Variants in KIAA2013 observed in about 807,000 individuals in gnomAD.
KIAA2013 encodes the protein KIAA2013, also known as uncharacterized protein KIAA2013.
A neutral mutation model predicts 39.9 loss-of-function variants in KIAA2013; 20 were observed. The ratio of observed to expected loss-of-function variants is 0.50; its 90% CI spans 0.35 to 0.73. The LOEUF (loss-of-function observed/expected upper bound fraction) is 0.73, where lower values mean the gene tolerates loss of function less well. Ranked by LOEUF, KIAA2013 falls within the 30% of genes least tolerant of loss-of-function variation. The pLI is 0.01. For missense variants in KIAA2013, 587 were observed against 856.1 expected (o/e 0.69, Z 3.92); for synonymous variants, 336 against 416.6 (o/e 0.81, Z 2.35).
Position 11,925,701 on chromosome 1 carries a change from C to A in KIAA2013, c.537G>T (p.Ala179=). The A allele has an allele frequency of 6.3e-7, 1 of 1,588,510 alleles. No individual in the cohort carries two copies. The change falls in exon 1 of 3, where the codon GCG becomes GCT. Residue 179 remains alanine (A), a synonymous_variant. Transcript: ENST00000376572. This position sits in a 1 kb window ranked among gnomAD's most constrained non-coding sequence, Gnocchi z 5.2. ...PGPASVSGLA[A]GSGRDCVLLQ... is the part of the protein sequence containing the mutation. ...GCAGCACGCAGTCGCGGCCGGACCC[C>A]GCGGCAAGGCCAGAGACGGAGGCGG...
Position 11,925,798 on chromosome 1 carries a change from C to T in KIAA2013, c.440G>A (p.Gly147Glu). The stretch of plus-strand genomic sequence containing the variant: ...CAGGCAACGCACGCGGCGCAGAAGC[C>T]CCTCCCGCAGCAGCAGCACCGCCTC... ...AGEAVLLLRE[G>E]LLRRVRCLQL... Residue 147 changes from glycine to glutamate, a missense_variant, in exon 1 of 3, where the codon GGG becomes GAG. Coordinates refer to ENST00000376572, the MANE Select transcript of KIAA2013 (RefSeq NM_138346.3). The surrounding 1 kb of genome is among the most constrained non-coding windows in gnomAD (Gnocchi z 5.2). 6.5e-7 allele frequency: 1 copy of T among 1,544,156 alleles called. No individual in the cohort carries two copies. Among genetic ancestry groups the T allele is most frequent in the East Asian group, 2.4e-5 (1 of 41,468 alleles).
Position 11,924,239 on chromosome 1 carries a change from G to A in KIAA2013, c.1034-750C>T, listed in dbSNP as rs963514677. Among the ~76,000 whole-genome samples, 5 of 150,068 alleles carry A rather than the reference G, an allele frequency of 3.3e-5. No individual in the cohort carries two copies. In the South Asian group the frequency reaches 6.3e-4, roughly 19 times the overall value. ...AGCACTTTGGGAGGCCAAGGTGGAC[G>A]GATCATGAGGTCAGGTTAAGTTTTG... On this transcript the variant is annotated intron_variant, in intron 1 of 2. Coordinates refer to ENST00000376572, the MANE Select transcript of KIAA2013 (RefSeq NM_138346.3).
intron 2 of KIAA2013, among the ~76,000 whole-genome samples, chr1:11,921,304 CA>C (rs1412701224): frequency 1.3e-5 from 2 of 152,162 alleles, no homozygotes; most frequent in Admixed American, 1.3e-4. Flanking sequence ...CAATGATGGC[CA>C]AAATCACCGC....
intron 1 of KIAA2013, among the ~76,000 whole-genome samples, chr1:11,924,387 G>A (rs1645493295): frequency 6.6e-6 from 1 of 151,712 alleles, no homozygotes. Context: ...ACCGCGCCCA[G>A]CCAGCACATT....
rs1645504739 is a variant in KIAA2013 at position 11,925,968 on chromosome 1, C to G, written c.270G>C (p.Pro90=). 2 of 1,541,586 alleles carry G rather than the reference C, an allele frequency of 1.3e-6. No individual in the cohort carries two copies. Among genetic ancestry groups the G allele is most frequent in the African/African-American group, 1.4e-5 (1 of 71,602 alleles). ...GEVVPLGPGV[P]ALVANGFLAL... ...CCAGGAAGCCGTTGGCCACCAGGGC[C>G]GGCACTCCAGGACCCAGCGGTACCA... The change falls in exon 1 of 3, where the codon CCG becomes CCC. Residue 90 remains proline (P), a synonymous_variant. Coordinates refer to ENST00000376572, the MANE Select transcript of KIAA2013 (RefSeq NM_138346.3). The surrounding 1 kb of genome is among the most constrained non-coding windows in gnomAD (Gnocchi z 5.2).
chr1:11,925,207 G>A lies in KIAA2013; in HGVS notation c.1031C>T (p.Pro344Leu), dbSNP rs752817662. The A allele has an allele frequency of 6.3e-7, 1 of 1,577,072 alleles. No individual in the cohort carries two copies. The highest frequency in any genetic ancestry group is 1.2e-5 in the South Asian group (1 of 84,692). Residue 344 changes from proline (P) to leucine (L), a missense_variant and splice_region_variant, in exon 1 of 3, where the codon CCA becomes CTA. Coordinates refer to ENST00000376572, the MANE Select transcript of KIAA2013 (RefSeq NM_138346.3). This position sits in a 1 kb window ranked among gnomAD's most constrained non-coding sequence, Gnocchi z 5.2. ...HQLLWAQLFS[P>L]GVEMKKITDT... ...ACCAAGCGCTGGCCAGGACTCACCT[G>A]GGCTGAAGAGCTGAGCCCAGAGGAG...
chr1:11,922,982 C>T lies in KIAA2013; in HGVS notation c.1541G>A (p.Arg514His), dbSNP rs753673165. 3.7e-6 allele frequency: 6 copies of T among 1,612,426 alleles called. No individual in the cohort carries two copies. The highest frequency in any genetic ancestry group is 4.2e-6 in the Non-Finnish European group (5 of 1,178,692). Residue 514 changes from arginine to histidine, a missense_variant, in exon 2 of 3, where the codon CGT (arginine) becomes CAT (histidine). By Grantham distance (29) the Arg-to-His change is conservative. Coordinates refer to ENST00000376572, the MANE Select transcript of KIAA2013 (RefSeq NM_138346.3). ...GGCATAGATCTTGACAGGCTGGCCA[C>T]GGGACTCCACGGACACGTGTAGGTA... ...KPYLHVSVES[R>H]GQPVKIYACK...
intron 2 of KIAA2013, among the ~76,000 whole-genome samples, chr1:11,921,350 G>A (rs1409697082): frequency 6.6e-6 from 1 of 151,992 alleles, no homozygotes; most frequent in Non-Finnish European, 1.5e-5. Context: ...AAACTTGAGG[G>A]CAATGCTTCT....
In KIAA2013 at chr1:11,926,058, G is replaced by C. The variant is rs1267488408; in HGVS notation, c.180C>G (p.Ala60=). ...CCGCCTCCAGGCAGGCAGACGGCTC[G>C]GCGGCGCCCGGCTCACCGCGGGACC... The part of the protein sequence containing the change: ...LPWSRGEPGA[A]EPSACLEAAT... The change falls in exon 1 of 3, where the codon GCC becomes GCG. Residue 60 remains alanine (A), a synonymous_variant. Transcript: ENST00000376572. The C allele has an allele frequency of 6.9e-7, 1 of 1,457,444 alleles. No individual in the cohort carries two copies. Among genetic ancestry groups the C allele is most frequent in the Non-Finnish European group, 9.0e-7 (1 of 1,114,756 alleles). 90.3% of individuals were successfully genotyped at this position (1,457,444 alleles called of 1,614,324 possible).
At position 11,925,562 on chromosome 1, in the gene KIAA2013, C is replaced by T; in HGVS notation, c.676G>A (p.Gly226Ser). 2 of 1,607,778 alleles carry T rather than the reference C, an allele frequency of 1.2e-6. No individual in the cohort carries two copies. The highest frequency in any genetic ancestry group is 8.5e-7 in the Non-Finnish European group (1 of 1,178,592). The change falls in exon 1 of 3, where the codon GGC becomes AGC. Residue 226 changes from glycine (G) to serine (S), a missense_variant. Coordinates refer to ENST00000376572, the MANE Select transcript of KIAA2013 (RefSeq NM_138346.3). This position sits in a 1 kb window ranked among gnomAD's most constrained non-coding sequence, Gnocchi z 5.2. ...CTGGTGAAGGCCTTGGGGGCTGGGC[C>T]GGCAGTGGGCCCCACAGTCTGCAGC... ...AALQTVGPTA[G>S]PAPKAFTSTL...
At chr1:11,921,187 T>C (rs535662943) in intron 2 of KIAA2013, among the ~76,000 whole-genome samples, 2 of 152,280 alleles carry the variant, frequency 1.3e-5, no homozygotes, top group African/African-American at 2.4e-5. Flanking sequence ...CCTGCTGGTC[T>C]TTCTCCTGAG....
At position 11,920,315 on chromosome 1, in the gene KIAA2013, T is replaced by C. The variant is rs1645467030; in HGVS notation, c.1905A>G (p.Ter635TrpextTer3). ...GCTGAAAGCAGGACTGTTAGTTCAC[T>C]CAGACACTGGGATCTTCCTGTTCAA... ...LFRSKEDPSV[*>W] Residue 635 changes from the stop codon to tryptophan (W), a stop_lost, in exon 3 of 3, where the codon TGA becomes TGG. Transcript: ENST00000376572. 2 of 1,614,042 alleles carry C rather than the reference T, an allele frequency of 1.2e-6. No homozygotes were observed. The highest frequency in any genetic ancestry group is 1.3e-5 in the African/African-American group (1 of 74,940).
chr1:11,920,448 C>T, intron 2 of KIAA2013, 116 bp from the exon 3 acceptor site: 3 of 1,065,700 alleles, frequency 2.8e-6, no homozygotes, highest in Non-Finnish European at 4.4e-6. Flanking sequence ...CTGACCCAGC[C>T]TTGCAGAATT....
rs1645499207 is a variant in KIAA2013 at position 11,925,354 on chromosome 1, A to T, written c.884T>A (p.Ile295Asn). ...VLWVVHVSGPINPQVLKSKAA... is the reference protein window; with the variant it reads ...VLWVVHVSGPNNPQVLKSKAA... ...TTTGCTTTTGAGCACCTGGGGGTTA[A>T]TGGGGCCAGAGACGTGCACCACCCA... Residue 295 changes from isoleucine to asparagine, a missense_variant, in exon 1 of 3, where the codon ATT (isoleucine) becomes AAT (asparagine). Transcript: ENST00000376572. This position sits in a 1 kb window ranked among gnomAD's most constrained non-coding sequence, Gnocchi z 5.2. 6.2e-7 allele frequency: 1 copy of T among 1,613,946 alleles called. No individual in the cohort carries two copies. The highest frequency in any genetic ancestry group is 1.1e-5 in the South Asian group (1 of 91,076).
At chr1:11,922,488 G>A (rs772963924) in intron 2 of KIAA2013, 148 bp downstream of exon 2, 32 of 1,515,628 alleles carry the variant, frequency 2.1e-5, no homozygotes, top group Middle Eastern at 3.5e-4. Flanking sequence ...AAACACTTGT[G>A]CGCGCTCTCT....
Position 11,924,399 on chromosome 1 carries a change from T to C in KIAA2013, c.1033+806A>G, listed in dbSNP as rs558365671. Among the ~76,000 whole-genome samples the C allele has an allele frequency of 2.0e-5, 3 of 152,002 alleles. No individual in the cohort carries two copies. In the South Asian group the frequency reaches 6.2e-4, roughly 32 times the overall value. ...GCCACCGCGCCCAGCCAGCACATTCTAGCCTAAAAAGATGCCTTATTTTAA... is the reference window on the plus strand; with the variant it reads ...GCCACCGCGCCCAGCCAGCACATTCCAGCCTAAAAAGATGCCTTATTTTAA... On this transcript the variant is annotated intron_variant, in intron 1 of 2. Transcript: ENST00000376572.
rs1645504972 is a variant in KIAA2013 at position 11,925,991 on chromosome 1, C to T, written c.247G>A (p.Val83Ile). Residue 83 changes from valine to isoleucine, a missense_variant, in exon 1 of 3, where the codon GTA (valine) becomes ATA (isoleucine). Transcript: ENST00000376572. The surrounding 1 kb of genome is among the most constrained non-coding windows in gnomAD (Gnocchi z 5.2). ...WRGLRERGEV[V>I]PLGPGVPALV... ...GCCGGCACTCCAGGACCCAGCGGTA[C>T]CACCTCACCGCGCTCCCGCAGGCCG... 1.3e-6 allele frequency: 2 copies of T among 1,524,044 alleles called. No individual in the cohort carries two copies. The highest frequency in any genetic ancestry group is 8.7e-7 in the Non-Finnish European group (1 of 1,143,226). The allele number at this position is 1,524,044 out of a possible 1,614,324, so 94.4% of individuals were successfully genotyped here.
In KIAA2013 at chr1:11,923,077, T is replaced by C. The variant is rs1455108575; in HGVS notation, c.1446A>G (p.Ala482=). The change falls in exon 2 of 3, where the codon GCA becomes GCG. Residue 482 remains alanine (A), a synonymous_variant. Coordinates refer to ENST00000376572, the MANE Select transcript of KIAA2013 (RefSeq NM_138346.3). The surrounding 1 kb of genome is among the most constrained non-coding windows in gnomAD (Gnocchi z 4.6). ...CGTTCTTGTAGCGGATGCCATGCAA[T>C]GCATAGCTGTTGTGCAGCACGTCGG... The part of the protein sequence containing the change: ...ADPDVLHNSY[A]LHGIRYKNDH... The C allele has an allele frequency of 1.9e-6, 3 of 1,611,514 alleles. No homozygotes were observed. The highest frequency in any genetic ancestry group is 1.3e-5 in the African/African-American group (1 of 75,004).
rs35426697 is a variant in KIAA2013, at chr1:11,923,909, G to T, written c.1034-420C>A. ...TTGTTTATTGAGACAGAGTCTCACT[G>T]TGTTGCCCAGGCTTGAGTGCAGTGG... On this transcript the variant is annotated intron_variant, in intron 1 of 2. Coordinates refer to ENST00000376572, the MANE Select transcript of KIAA2013 (RefSeq NM_138346.3). The surrounding 1 kb of genome is among the most constrained non-coding windows in gnomAD (Gnocchi z 4.6). 6.6e-6 allele frequency among the ~76,000 whole-genome samples: 1 copy of T among 152,144 alleles called. No homozygotes were observed. Among genetic ancestry groups the T allele is most frequent in the African/African-American group, 2.4e-5 (1 of 41,432 alleles).
Sources: gnomAD v4.1 joint callset for allele counts (sites outside exome capture counted in the v4.1 genomes callset) on GRCh38, gnomAD v4.1.1 for gene constraint, Gnocchi (gnomAD v3.1) non-coding constraint, MANE v1.5 for transcripts, NCBI Gene and HGNC (gene_info 2026-07-23, HGNC 2026-07-21) for gene names.